MALRD1: variants seen among roughly 807,000 people sequenced by gnomAD.
MALRD1 encodes MAM and LDL receptor class A domain containing 1.
MALRD1 carries 247 observed loss-of-function variants against 242.1 expected under a neutral mutation model. The ratio of observed to expected loss-of-function variants is 1.02; its 90% CI spans 0.92 to 1.13. MALRD1 has a LOEUF of 1.13. Ranked by LOEUF, MALRD1 falls within the 50% of genes most tolerant of loss-of-function variation. The pLI is 0.00. For synonymous variants in MALRD1, 995 were observed against 866.6 expected, an observed-to-expected ratio of 1.15 and a Z score of -2.60; for missense variants, 2,989 against 2,533.1, an observed-to-expected ratio of 1.18 and a Z score of -3.86.
chr10:19,215,204 T>G (rs1837254865), intron 18 of MALRD1, among the ~76,000 whole-genome samples: 1 of 152,180 alleles, frequency 6.6e-6, no homozygotes, highest in Non-Finnish European at 1.5e-5. Flanking sequence ...TTGACCCTAG[T>G]TCTTTAAAAT....
intron 36 of MALRD1, among the ~76,000 whole-genome samples, chr10:19,664,434 TC>T (rs1488998684): frequency 1.3e-5 from 2 of 152,034 alleles, no homozygotes; most frequent in Admixed American, 6.6e-5. Context: ...CTCTTTTTTT[TC>T]CTCCTTCTGT....
chr10:19,727,264 G>A (rs938967856), intron 38 of MALRD1, among the ~76,000 whole-genome samples: 1 of 152,148 alleles, frequency 6.6e-6, no homozygotes, highest in East Asian at 1.9e-4. Flanking sequence ...TTTACTGGAT[G>A]TAACATAGAT....
intron 1 of MALRD1, among the ~76,000 whole-genome samples, chr10:19,050,791 C>T (rs570705017): frequency 7.2e-5 from 11 of 152,314 alleles, no homozygotes; most frequent in African/African-American, 2.6e-4. Flanking sequence ...GCTGGTTTGA[C>T]AAGCAGTGCC....
intron 2 of MALRD1, among the ~76,000 whole-genome samples, chr10:19,080,037 A>C (rs1835434429): frequency 1.3e-5 from 2 of 152,030 alleles, no homozygotes; most frequent in African/African-American, 4.8e-5. Context: ...AAGAGAATAA[A>C]ACACTGAAGA....
chr10:19,729,882 G>A (rs1274438208), intron 38 of MALRD1, among the ~76,000 whole-genome samples: 5 of 151,078 alleles, frequency 3.3e-5, no homozygotes, highest in Admixed American at 6.6e-5. Flanking sequence ...GACTACAGGC[G>A]CCCGCCACCA....
Position 19,468,828 on chromosome 10 carries a change from G to T in MALRD1, c.5029+18338G>T, listed in dbSNP as rs184015793. 1.7e-3 allele frequency among the ~76,000 whole-genome samples: 251 copies of T among 152,074 alleles called. 2 individuals carry two copies. The highest frequency in any genetic ancestry group is 6.0e-3 in the African/African-American group (248 of 41,482). ...TTTGCCCTTTGTTCTTTTTGGTTCTGATACTAATGTTACCCACAGCCCTCC... is the reference window on the plus strand; with the variant it reads ...TTTGCCCTTTGTTCTTTTTGGTTCTTATACTAATGTTACCCACAGCCCTCC... On this transcript the variant is annotated intron_variant, in intron 29 of 39. Coordinates refer to ENST00000454679, the MANE Select transcript of MALRD1 (RefSeq NM_001142308.3).
At chr10:19,449,018 C>A (rs1835159562) in intron 28 of MALRD1, among the ~76,000 whole-genome samples, 1 of 152,080 alleles carries the variant, frequency 6.6e-6, no homozygotes, top group African/African-American at 2.4e-5. Context: ...TGAATAATTA[C>A]ACAATATGAG....
chr10:19,719,199 T>TATATATATACACATATATATATATATAC (rs1554830393), intron 38 of MALRD1, among the ~76,000 whole-genome samples: 1 of 31,684 alleles, frequency 3.2e-5, no homozygotes, highest in Non-Finnish European at 5.7e-5. Flanking sequence ...TACATACATA[T>TATATATATACACATATATATATATATAC]ATATATATAT....
chr10:19,110,348 G>T (rs578210643), intron 5 of MALRD1, among the ~76,000 whole-genome samples: 3 of 152,238 alleles, frequency 2.0e-5, no homozygotes, highest in African/African-American at 7.2e-5. Context: ...TCTAACACTG[G>T]AACATGTAAA....
chr10:19,064,553 A>T (rs1296870777), intron 1 of MALRD1, among the ~76,000 whole-genome samples: 2 of 151,606 alleles, frequency 1.3e-5, no homozygotes, highest in Non-Finnish European at 2.9e-5. Flanking sequence ...TGCTCATTAG[A>T]TTCATTTTAT....
chr10:19,607,533 A>G (rs765659579), intron 34 of MALRD1, among the ~76,000 whole-genome samples: 1 of 152,132 alleles, frequency 6.6e-6, no homozygotes, highest in Non-Finnish European at 1.5e-5. Flanking sequence ...GTGAGGACAC[A>G]ATTCAGTCCC....
intron 36 of MALRD1, among the ~76,000 whole-genome samples, chr10:19,682,842 G>T (rs559826101): frequency 6.6e-6 from 1 of 152,328 alleles, no homozygotes; most frequent in East Asian, 1.9e-4. Flanking sequence ...TGGAAGAGCA[G>T]TACTTTCTCC....
chr10:19,458,235 A>G (rs1247107176), intron 29 of MALRD1, among the ~76,000 whole-genome samples: 12 of 152,210 alleles, frequency 7.9e-5, no homozygotes. Flanking sequence ...ATGACAAAAT[A>G]GGCTTATTTG....
chr10:19,479,489 C>G (rs182292237), intron 29 of MALRD1, among the ~76,000 whole-genome samples: 1 of 152,152 alleles, frequency 6.6e-6, no homozygotes, highest in African/African-American at 2.4e-5. Flanking sequence ...TATTAAGTAA[C>G]TACATGAAAT....
intron 21 of MALRD1, among the ~76,000 whole-genome samples, chr10:19,321,649 C>T (rs1010146272): frequency 1.3e-5 from 2 of 152,098 alleles, no homozygotes; most frequent in Non-Finnish European, 2.9e-5. Flanking sequence ...CTATTCCCTT[C>T]TAGCCACTTA....
intron 36 of MALRD1, among the ~76,000 whole-genome samples, chr10:19,671,336 G>C (rs1841911734): frequency 6.6e-6 from 1 of 152,044 alleles, no homozygotes; most frequent in Non-Finnish European, 1.5e-5. Context: ...GCTAAATATT[G>C]GCCAGGCACG....
At chr10:19,176,820 CTGTG>C (rs983267370) in intron 14 of MALRD1, among the ~76,000 whole-genome samples, 2 of 130,230 alleles carry the variant, frequency 1.5e-5, no homozygotes, top group East Asian at 2.3e-4. Context: ...GCCTGTGTGT[CTGTG>C]TGTGTGTGCA....
In MALRD1 at chr10:19,336,747, T is replaced by A. The variant is rs185065275; in HGVS notation, c.3901+5165T>A. On this transcript the variant is annotated intron_variant, in intron 24 of 39. Coordinates refer to ENST00000454679, the MANE Select transcript of MALRD1 (RefSeq NM_001142308.3). ...TGCTAAGCCAGTAGATAGAGAAAAA[T>A]GTTTTGCCTTAAAAAATTATATTAG... Among the ~76,000 whole-genome samples the A allele has an allele frequency of 7.9e-5, 12 of 152,174 alleles. No individual in the cohort carries two copies. In the East Asian group the frequency reaches 2.1e-3, roughly 27 times the overall value.
At chr10:19,393,006 A>G (rs4278418) in intron 28 of MALRD1, among the ~76,000 whole-genome samples, 135,496 of 152,112 alleles carry the variant, frequency 0.89, 60,591 homozygotes, top group African/African-American at 0.93. Flanking sequence ...GGCTCAGATG[A>G]GCTAAGTTAT....
Sources: allele counts gnomAD v4.1 joint callset (sites outside exome capture counted in the v4.1 genomes callset), GRCh38; gene constraint gnomAD v4.1.1; transcripts MANE v1.5; gene names NCBI Gene and HGNC (gene_info 2026-07-23, HGNC 2026-07-21).